NTNG1: variants seen among roughly 807,000 people sequenced by gnomAD.
The protein encoded by NTNG1 is netrin G1, also known as netrin-G1.
A neutral mutation model predicts 54.0 loss-of-function variants in NTNG1; 16 were observed. That is an observed-to-expected ratio of 0.30 (90% CI 0.20 to 0.45). The LOEUF (loss-of-function observed/expected upper bound fraction) is 0.45. Ranked by LOEUF, NTNG1 falls within the 20% of genes least tolerant of loss-of-function variation. NTNG1 has a pLI of 1.00. For missense variants in NTNG1, 530 were observed against 678.7 expected, an observed-to-expected ratio of 0.78 and a Z score of 2.43; for synonymous variants, 255 against 263.1, an observed-to-expected ratio of 0.97 and a Z score of 0.30.
chr1:107,313,943 T>C (rs1423204669), intron 2 of NTNG1, among the ~76,000 whole-genome samples: 1 of 152,216 alleles, frequency 6.6e-6, no homozygotes, highest in Non-Finnish European at 1.5e-5. Flanking sequence ...AGCCCTTTGT[T>C]TCCCCACAGT....
chr1:107,370,578 A>G (rs1019648281), intron 3 of NTNG1, among the ~76,000 whole-genome samples: 1 of 151,628 alleles, frequency 6.6e-6, no homozygotes, highest in African/African-American at 2.4e-5. Context: ...CCTCTAGCTT[A>G]GCTCCCACTT....
chr1:107,370,397 C>G (rs7416676), intron 3 of NTNG1, among the ~76,000 whole-genome samples: 1 of 151,182 alleles, frequency 6.6e-6, no homozygotes, highest in South Asian at 2.1e-4. Context: ...ACAGGTGGTA[C>G]TTGGTTACAT....
intron 5 of NTNG1, among the ~76,000 whole-genome samples, chr1:107,412,169 G>A (rs529867598): frequency 4.8e-5 from 7 of 145,774 alleles, no homozygotes; most frequent in Admixed American, 2.0e-4. Flanking sequence ...CAGGAAATTC[G>A]TAGCTTAAGC....
Position 107,303,694 on chromosome 1 carries a change from T to C in NTNG1, c.247-20588T>C, listed in dbSNP as rs529348924. On this transcript the variant is annotated intron_variant, in intron 2 of 7. Coordinates refer to ENST00000370068, the MANE Select transcript of NTNG1 (RefSeq NM_001113226.3). ...TGAGTGTTTCTTTTTTTGTTTGTCC[T>C]GTGTTTGTTTTGAGATGGAGTCTTG... Among the ~76,000 whole-genome samples the C allele has an allele frequency of 7.0e-4, 106 of 152,266 alleles. 2 individuals are homozygous for C. The South Asian group carries it at 0.02, about 29-fold the overall frequency.
At chr1:107,324,150 G>A in intron 2 of NTNG1, 132 bp from the exon 3 acceptor site, 1 of 762,518 alleles carries the variant, frequency 1.3e-6, no homozygotes, top group Non-Finnish European at 2.2e-6. Context: ...AATCCAGTTA[G>A]GGCAAATAAA....
At chr1:107,349,756 T>G (rs1190720568) in intron 3 of NTNG1, among the ~76,000 whole-genome samples, 1 of 152,162 alleles carries the variant, frequency 6.6e-6, no homozygotes, top group African/African-American at 2.4e-5. Flanking sequence ...TAGCCTAATA[T>G]TATGCTTCTG....
At chr1:107,375,254 A>G (rs1468594293) in intron 3 of NTNG1, among the ~76,000 whole-genome samples, 3 of 152,156 alleles carry the variant, frequency 2.0e-5, no homozygotes, top group Non-Finnish European at 4.4e-5. Context: ...TTGATCCGGG[A>G]GTCTAGTAGC....
At chr1:107,463,128 A>G (rs761552804) in intron 7 of NTNG1, among the ~76,000 whole-genome samples, 11 of 152,202 alleles carry the variant, frequency 7.2e-5, no homozygotes, top group Non-Finnish European at 1.5e-4. Context: ...ACTAACTTCC[A>G]GTTAGGAATG....
chr1:107,213,378 C>T (rs1001736873), intron 2 of NTNG1, among the ~76,000 whole-genome samples: 2 of 152,140 alleles, frequency 1.3e-5, no homozygotes, highest in African/African-American at 2.4e-5. Flanking sequence ...CACTAACGCT[C>T]CTGCCACGCT....
In NTNG1 at chr1:107,366,533, A is replaced by G. The variant is rs202244995; in HGVS notation, c.888-28621A>G. ...ATGTTCCAAAGGGCTACAGAATGCC[A>G]GCATGTTGGGTTATAGCTCTGTAGA... On this transcript the variant is annotated intron_variant, in intron 3 of 7. Coordinates refer to ENST00000370068, the MANE Select transcript of NTNG1 (RefSeq NM_001113226.3). Among the ~76,000 whole-genome samples the G allele has an allele frequency of 1.1e-4, 16 of 152,366 alleles. No homozygotes were observed. The East Asian group carries it at 2.9e-3, about 28-fold the overall frequency.
rs1399675636 is a variant in NTNG1 at position 107,284,882 on chromosome 1, T to G, written c.247-39400T>G. ...AACAGAATTAACGCTAACTTATTGG[T>G]AGCTGTTGATAGATTGATTAGTCCA... On this transcript the variant is annotated intron_variant, in intron 2 of 7. Coordinates refer to ENST00000370068, the MANE Select transcript of NTNG1 (RefSeq NM_001113226.3). Among the ~76,000 whole-genome samples the G allele has an allele frequency of 7.9e-5, 12 of 152,178 alleles. No individual in the cohort carries two copies. In the East Asian group the frequency reaches 1.9e-3, roughly 24 times the overall value.
intron 2 of NTNG1, among the ~76,000 whole-genome samples, chr1:107,316,191 T>G (rs1667327630): frequency 6.6e-6 from 1 of 152,140 alleles, no homozygotes; most frequent in Non-Finnish European, 1.5e-5. Context: ...CCAGATGCTG[T>G]TATCATGAGA....
chr1:107,430,881 G>A lies in NTNG1; in HGVS notation c.1219G>A (p.Ala407Thr), dbSNP rs1284463463. The part of the protein sequence containing the change: ...ELCRLGYFRN[A>T]SAQLDDENVC... ...ATGCAGGCTGGGCTACTTCAGAAATGCTTCTGCACAACTGGACGATGAGAA... is the reference window on the plus strand; with the variant it reads ...ATGCAGGCTGGGCTACTTCAGAAATACTTCTGCACAACTGGACGATGAGAA... Residue 407 changes from alanine to threonine, a missense_variant, in exon 6 of 8, where the codon GCT (alanine) becomes ACT (threonine). Ala to Thr is a moderately conservative substitution (Grantham distance 58). Transcript: ENST00000370068. 4 of 1,613,160 alleles carry A rather than the reference G, an allele frequency of 2.5e-6. No homozygotes were observed. Among genetic ancestry groups the A allele is most frequent in the Admixed American group, 1.7e-5 (1 of 59,896 alleles).
intron 5 of NTNG1, among the ~76,000 whole-genome samples, chr1:107,416,852 A>T (rs1674240810): frequency 6.6e-6 from 1 of 152,096 alleles, no homozygotes; most frequent in African/African-American, 2.4e-5. Flanking sequence ...TTCTGCACAG[A>T]AAAAGATGGA....
intron 4 of NTNG1, among the ~76,000 whole-genome samples, chr1:107,407,296 C>T (rs1432800639): frequency 6.6e-6 from 1 of 152,060 alleles, no homozygotes; most frequent in Non-Finnish European, 1.5e-5. Flanking sequence ...ATATTTGGTA[C>T]TCTGTACCCA....
chr1:107,250,748 G>A (rs1289181336), intron 2 of NTNG1, among the ~76,000 whole-genome samples: 1 of 152,090 alleles, frequency 6.6e-6, no homozygotes, highest in Non-Finnish European at 1.5e-5. Flanking sequence ...GTCATTGGAA[G>A]TGAGCTGCTC....
At chr1:107,187,225 G>A (rs528240450) in intron 2 of NTNG1, among the ~76,000 whole-genome samples, 71 of 151,958 alleles carry the variant, frequency 4.7e-4, no homozygotes, top group African/African-American at 1.5e-3. Context: ...CACTAGTATT[G>A]AAAATTTTTA....
At chr1:107,277,942 A>G (rs1222213093) in intron 2 of NTNG1, among the ~76,000 whole-genome samples, 1 of 152,230 alleles carries the variant, frequency 6.6e-6, no homozygotes, top group African/African-American at 2.4e-5. Flanking sequence ...GTTATTTCAT[A>G]TAACATTTTT....
chr1:107,331,040 C>T (rs1409411069), intron 3 of NTNG1, among the ~76,000 whole-genome samples: 2 of 151,992 alleles, frequency 1.3e-5, no homozygotes, highest in African/African-American at 2.4e-5. Context: ...TCCTTTAGTA[C>T]TTACAGGACA....
Sources: gnomAD v4.1 joint callset for allele counts (sites outside exome capture counted in the v4.1 genomes callset) on GRCh38, gnomAD v4.1.1 for gene constraint, MANE v1.5 for transcripts, NCBI Gene and HGNC (gene_info 2026-07-23, HGNC 2026-07-21) for gene names.